ANXA4: variants seen among roughly 807,000 people sequenced by gnomAD.
The protein encoded by ANXA4 is 35-beta calcimedin.
ANXA4 carries 39 observed loss-of-function variants against 49.8 expected under a neutral mutation model. The observed-to-expected ratio is 0.78, with a 90% confidence interval of 0.61 to 1.02. ANXA4 has a LOEUF of 1.02. Ranked by LOEUF, ANXA4 falls within the 50% of genes least tolerant of loss-of-function variation. ANXA4 has a pLI of 0.00. For synonymous variants in ANXA4, 134 were observed against 152.5 expected (o/e 0.88, Z 0.89); for missense variants, 360 against 410.1 (o/e 0.88, Z 1.05).
intron 6 of ANXA4, chr2:69,808,615 C>T (rs1478029259): frequency 1.3e-5 from 2 of 152,602 alleles, no homozygotes; most frequent in Non-Finnish European, 2.9e-5. Flanking sequence ...ACACAATGAA[C>T]TATTATGTAG....
intron 1 of ANXA4, 55 bp downstream of exon 1, chr2:69,742,230 G>A (rs1670425116): frequency 6.6e-6 from 1 of 152,274 alleles, no homozygotes; most frequent in South Asian, 2.1e-4. Context: ...GGAACGGGGA[G>A]CGTGGCCCGG....
intron 1 of ANXA4, among the ~76,000 whole-genome samples, chr2:69,768,214 A>G (rs900873307): frequency 3.3e-5 from 5 of 152,264 alleles, no homozygotes; most frequent in Non-Finnish European, 5.9e-5. Flanking sequence ...GCAAAATGAT[A>G]TAATAGTGAC....
chr2:69,662,592 C>T (rs1273427842), intron 2 of ANXA4, among the ~76,000 whole-genome samples: 1 of 152,130 alleles, frequency 6.6e-6, no homozygotes, highest in Non-Finnish European at 1.5e-5. Context: ...CTGCTTGGCT[C>T]CTAGAACTCT....
chr2:69,799,533 TA>T (rs1215856376), intron 3 of ANXA4, among the ~76,000 whole-genome samples: 1 of 152,218 alleles, frequency 6.6e-6, no homozygotes, highest in East Asian at 1.9e-4. Context: ...TGCTTTTTGT[TA>T]AAAGGAAAGT....
chr2:69,751,224 G>A (rs1165983699), intron 1 of ANXA4, among the ~76,000 whole-genome samples: 3 of 152,216 alleles, frequency 2.0e-5, no homozygotes, highest in African/African-American at 7.2e-5. Context: ...CTGTGTAATA[G>A]GTTAAAAGTG....
At chr2:69,749,213 A>G (rs576705630) in intron 1 of ANXA4, among the ~76,000 whole-genome samples, 73 of 152,322 alleles carry the variant, frequency 4.8e-4, no homozygotes, top group Middle Eastern at 3.4e-3. Context: ...TTCCTACTAC[A>G]ATATGAATTC....
At chr2:69,754,316 C>G (rs912353711) in intron 1 of ANXA4, among the ~76,000 whole-genome samples, 9 of 152,126 alleles carry the variant, frequency 5.9e-5, no homozygotes, top group Admixed American at 1.3e-4. Flanking sequence ...GTTTGGGGAC[C>G]CTTTCAGACA....
chr2:69,789,550 T>C (rs1357372500), intron 3 of ANXA4, among the ~76,000 whole-genome samples: 3 of 151,988 alleles, frequency 2.0e-5, no homozygotes, highest in Non-Finnish European at 1.5e-5. Flanking sequence ...CACAGTGAGT[T>C]TGGAGCAGGA....
Position 69,819,263 on chromosome 2 carries a change from T to C in ANXA4, c.725-17T>C. 1 of 1,575,552 alleles carries C rather than the reference T, an allele frequency of 6.3e-7. No individual in the cohort carries two copies. Among genetic ancestry groups the C allele is most frequent in the South Asian group, 1.2e-5 (1 of 85,910 alleles). On this transcript the variant is annotated splice_polypyrimidine_tract_variant and intron_variant, in intron 10 of 12. Coordinates refer to ENST00000394295, the MANE Select transcript of ANXA4 (RefSeq NM_001153.5). Reference sequence around the variant, plus strand: ...TATCTGTAATCTTTTCATTTCTTCTTTTTTTTTCTTTGACAGTAAAGTGCA... The same window carrying C: ...TATCTGTAATCTTTTCATTTCTTCTCTTTTTTTCTTTGACAGTAAAGTGCA...
intron 2 of ANXA4, among the ~76,000 whole-genome samples, chr2:69,704,291 G>A (rs11126243): frequency 2.0e-5 from 3 of 151,840 alleles, no homozygotes; most frequent in South Asian, 2.1e-4. Context: ...ATTTTCTAAC[G>A]AGCCATTTTG....
Position 69,803,109 on chromosome 2 carries a change from G to A in ANXA4, c.98-1424G>A, listed in dbSNP as rs551298413. On this transcript the variant is annotated intron_variant, in intron 3 of 12. Transcript: ENST00000394295. ...CCAGCTACTAGGGAGGCTGAGGCAG[G>A]AGAATTGCTTGAACCTGGGAGGGAG... is the stretch of plus-strand genomic sequence containing the variant. Among the ~76,000 whole-genome samples the A allele has an allele frequency of 5.9e-5, 9 of 152,010 alleles. No homozygotes were observed. In the East Asian group the frequency reaches 1.2e-3, roughly 20 times the overall value.
At chr2:69,757,165 G>A (rs1671069698) in intron 1 of ANXA4, among the ~76,000 whole-genome samples, 1 of 147,284 alleles carries the variant, frequency 6.8e-6, no homozygotes, top group South Asian at 2.1e-4. Flanking sequence ...CTAACCTCAG[G>A]TGATCTGCCC....
chr2:69,648,370 G>A (rs186559320), intron 1 of ANXA4, among the ~76,000 whole-genome samples: 200 of 152,300 alleles, frequency 1.3e-3, no homozygotes, highest in Admixed American at 3.2e-3. Context: ...TGTTAGAAAT[G>A]CAAATTTTGG....
chr2:69,782,859 A>T (rs1324471011), intron 2 of ANXA4, among the ~76,000 whole-genome samples: 1 of 150,948 alleles, frequency 6.6e-6, no homozygotes, highest in African/African-American at 2.5e-5. Flanking sequence ...TTCCTCCTAA[A>T]ACCTGTTTTT....
At chr2:69,774,340 C>CTTTTTT (rs869296678) in intron 1 of ANXA4, among the ~76,000 whole-genome samples, 1 of 50,792 alleles carries the variant, frequency 2.0e-5, no homozygotes, top group Admixed American at 2.2e-4. Context: ...CCCCCCCCCC[C>CTTTTTT]TTTTTTTTTT....
chr2:69,687,307 C>A (rs954905194), intron 2 of ANXA4, among the ~76,000 whole-genome samples: 12 of 152,034 alleles, frequency 7.9e-5, no homozygotes, highest in African/African-American at 2.9e-4. Context: ...AGTTCGAGAC[C>A]AGCCTGGGCA....
chr2:69,645,506 C>G (rs1464080569), intron 1 of ANXA4, among the ~76,000 whole-genome samples: 2 of 152,186 alleles, frequency 1.3e-5, no homozygotes, highest in Non-Finnish European at 2.9e-5. Flanking sequence ...ACTTATTTGT[C>G]TTGACTGACT....
At chr2:69,806,730 C>T (rs1673457231) in intron 5 of ANXA4, among the ~76,000 whole-genome samples, 1 of 152,082 alleles carries the variant, frequency 6.6e-6, no homozygotes, top group Non-Finnish European at 1.5e-5. Context: ...CCTTAGCAAA[C>T]TAAGGCAGGA....
At chr2:69,696,221 C>T (rs919553789) in intron 2 of ANXA4, among the ~76,000 whole-genome samples, 2 of 152,320 alleles carry the variant, frequency 1.3e-5, no homozygotes, top group Admixed American at 6.5e-5. Flanking sequence ...GTTTATGGAA[C>T]ATTCTCAATC....
Sources: allele counts gnomAD v4.1 joint callset (sites outside exome capture counted in the v4.1 genomes callset), GRCh38; gene constraint gnomAD v4.1.1; transcripts MANE v1.5; gene names NCBI Gene and HGNC (gene_info 2026-07-23, HGNC 2026-07-21).